The following FGF12 variants were observed in gnomAD, a reference collection of about 807,000 sequenced individuals.
FGF12 encodes the protein fibroblast growth factor 12B.
Under a neutral mutation model 23.6 loss-of-function variants are expected in FGF12, and 14 were observed. The observed-to-expected ratio is 0.59, with a 90% CI of 0.39 to 0.93. FGF12 has a LOEUF of 0.93. Among genes scored for constraint, FGF12 ranks in the 40% least tolerant of loss-of-function variants. The pLI is 0.00. For missense variants in FGF12, 175 were observed against 217.8 expected (o/e 0.80, Z 1.24); for synonymous variants, 62 against 77.3 (o/e 0.80, Z 1.04).
chr3:192,204,927 A>G (rs1310755457), intron 4 of FGF12, among the ~76,000 whole-genome samples: 4 of 152,004 alleles, frequency 2.6e-5, no homozygotes, highest in Non-Finnish European at 1.5e-5. Flanking sequence ...AGAAAGAAAG[A>G]AAGAAAAAAT....
At chr3:192,673,616 C>T (rs188947679) in intron 2 of FGF12, among the ~76,000 whole-genome samples, 1 of 151,074 alleles carries the variant, frequency 6.6e-6, no homozygotes, top group East Asian at 1.9e-4. Flanking sequence ...TCAGCTCCCA[C>T]CTATGAGTGA....
rs906789122 is a variant in FGF12, at chr3:192,233,970, A to C, written c.229-63314T>G. On this transcript the variant is annotated intron_variant, in intron 4 of 5. Transcript: ENST00000445105. Reference sequence around the variant, plus strand: ...ACTGTATCTATTACTGTCACCCTGTAATATAGTTTGAAGTTTGATAGTGTG... The same window carrying C: ...ACTGTATCTATTACTGTCACCCTGTCATATAGTTTGAAGTTTGATAGTGTG... Among the ~76,000 whole-genome samples, 5 of 152,096 alleles carry C rather than the reference A, an allele frequency of 3.3e-5. No homozygotes were observed. In the South Asian group the frequency reaches 1.0e-3, roughly 32 times the overall value.
intron 3 of FGF12, among the ~76,000 whole-genome samples, chr3:192,351,813 G>A (rs369424049): frequency 1.4e-4 from 22 of 152,296 alleles, no homozygotes; most frequent in African/African-American, 3.6e-4. Flanking sequence ...GTGAGTGAGC[G>A]TGGGGTTCTG....
intron 4 of FGF12, among the ~76,000 whole-genome samples, chr3:192,258,099 C>T (rs1221279007): frequency 1.3e-5 from 2 of 150,362 alleles, no homozygotes; most frequent in Admixed American, 6.6e-5. Context: ...TGTTTGTTTG[C>T]AGGGGAGAGA....
At chr3:192,230,491 A>T (rs983106050) in intron 4 of FGF12, among the ~76,000 whole-genome samples, 1 of 152,162 alleles carries the variant, frequency 6.6e-6, no homozygotes, top group African/African-American at 2.4e-5. Context: ...GCCTTGAGAA[A>T]CAGTGATGAC....
intron 2 of FGF12, among the ~76,000 whole-genome samples, chr3:192,650,235 G>A (rs532637170): frequency 6.6e-6 from 1 of 152,288 alleles, no homozygotes; most frequent in Non-Finnish European, 1.5e-5. Context: ...GCCTTCAAAG[G>A]CCTTCCAGGA....
At chr3:192,590,538 T>G (rs1409068981) in intron 2 of FGF12, among the ~76,000 whole-genome samples, 1 of 151,914 alleles carries the variant, frequency 6.6e-6, no homozygotes, top group African/African-American at 2.4e-5. Flanking sequence ...ATTATGTAGG[T>G]AAGTATTTAT....
chr3:192,618,263 A>G (rs1714838651), intron 2 of FGF12, among the ~76,000 whole-genome samples: 1 of 151,912 alleles, frequency 6.6e-6, no homozygotes, highest in East Asian at 1.9e-4. Flanking sequence ...AAAAAAAAAA[A>G]AATTCTGAAG....
chr3:192,175,672 T>A (rs1376794496), intron 4 of FGF12, among the ~76,000 whole-genome samples: 1 of 152,170 alleles, frequency 6.6e-6, no homozygotes, highest in Admixed American at 6.5e-5. Flanking sequence ...CAAATACCTG[T>A]CCACCCTAGC....
intron 2 of FGF12, among the ~76,000 whole-genome samples, chr3:192,443,246 A>G (rs1722256781): frequency 6.6e-6 from 1 of 152,222 alleles, no homozygotes; most frequent in Non-Finnish European, 1.5e-5. Context: ...GAAAATACGT[A>G]AACATCATAG....
chr3:192,683,893 C>T (rs991956700), intron 2 of FGF12, among the ~76,000 whole-genome samples: 9 of 152,200 alleles, frequency 5.9e-5, no homozygotes, highest in East Asian at 1.9e-4. Flanking sequence ...CCATTCCCTG[C>T]GCAATAGGAA....
chr3:192,518,702 T>C (rs1724738722), intron 2 of FGF12, among the ~76,000 whole-genome samples: 1 of 152,136 alleles, frequency 6.6e-6, no homozygotes. Flanking sequence ...AACATGGCAT[T>C]TTTGTTCCAT....
intron 2 of FGF12, among the ~76,000 whole-genome samples, chr3:192,586,771 G>A (rs1225781178): frequency 6.6e-6 from 1 of 152,124 alleles, no homozygotes; most frequent in Non-Finnish European, 1.5e-5. Context: ...ACGCCATAGA[G>A]ATCCATTTGT....
At chr3:192,396,866 T>C (rs1720545606) in intron 2 of FGF12, among the ~76,000 whole-genome samples, 3 of 152,162 alleles carry the variant, frequency 2.0e-5, no homozygotes, top group Admixed American at 2.0e-4. Flanking sequence ...TTGCTGAGCA[T>C]GAAAAAGACA....
chr3:192,714,392 T>C (rs554302047), intron 2 of FGF12, among the ~76,000 whole-genome samples: 1 of 152,276 alleles, frequency 6.6e-6, no homozygotes, highest in African/African-American at 2.4e-5. Context: ...TTCATATATT[T>C]AAGCATAGAT....
In FGF12 at chr3:192,510,767, C is replaced by T. The variant is rs75496224; in HGVS notation, c.14-150229G>A. ...GGATAAATAAATTGTGGTACATCCA[C>T]GCAATGGAATATTATGCAGTGCTAA... On this transcript the variant is annotated intron_variant, in intron 2 of 5. Coordinates refer to ENST00000445105, the MANE Select transcript of FGF12 (RefSeq NM_004113.6). Among the ~76,000 whole-genome samples the T allele has an allele frequency of 4.5e-3, 679 of 152,216 alleles. 1 individual carries two copies. Among genetic ancestry groups the T allele is most frequent in the Non-Finnish European group, 6.4e-3 (434 of 68,014 alleles).
chr3:192,382,502 C>T (rs1176788580), intron 2 of FGF12, among the ~76,000 whole-genome samples: 1 of 151,954 alleles, frequency 6.6e-6, no homozygotes, highest in African/African-American at 2.4e-5. Context: ...CTTACCAATT[C>T]TTAGTGTGGT....
At chr3:192,570,504 A>C (rs1299283637) in intron 2 of FGF12, among the ~76,000 whole-genome samples, 1 of 152,230 alleles carries the variant, frequency 6.6e-6, no homozygotes, top group Admixed American at 6.5e-5. Context: ...TGGGGATTTC[A>C]TCATAGTCAC....
intron 4 of FGF12, among the ~76,000 whole-genome samples, chr3:192,171,641 C>T (rs1487206162): frequency 6.6e-6 from 1 of 152,220 alleles, no homozygotes; most frequent in East Asian, 1.9e-4. Context: ...AATGCTATTG[C>T]ATCTTCTTCA....
Sources: gnomAD v4.1 joint callset for allele counts (sites outside exome capture counted in the v4.1 genomes callset) on GRCh38, gnomAD v4.1.1 for gene constraint, MANE v1.5 for transcripts, NCBI Gene and HGNC (gene_info 2026-07-23, HGNC 2026-07-21) for gene names.